Variants in SLC29A3 observed in about 807,000 individuals in gnomAD.
The protein encoded by SLC29A3 is solute carrier family 29 member 3.
A neutral mutation model predicts 25.4 loss-of-function variants in SLC29A3; 18 were observed. The observed-to-expected ratio is 0.71, with a 90% CI of 0.49 to 1.05. The LOEUF (loss-of-function observed/expected upper bound fraction) is 1.05. Ranked by LOEUF, SLC29A3 falls within the 50% of genes least tolerant of loss-of-function variation. SLC29A3 has a pLI of 0.00. For synonymous variants in SLC29A3, 258 were observed against 267.1 expected, an observed-to-expected ratio of 0.97 and a Z score of 0.33; for missense variants, 586 against 609.0, an observed-to-expected ratio of 0.96 and a Z score of 0.40.
At position 71,362,569 on chromosome 10, in the gene SLC29A3, G is replaced by A. The variant is rs751227835; in HGVS notation, c.1389G>A (p.Leu463=). The A allele has an allele frequency of 2.5e-6, 4 of 1,614,062 alleles. No individual in the cohort carries two copies. The African/African-American group carries it at 4.0e-5, about 16-fold the overall frequency. Residue 463 remains leucine (L), a synonymous_variant, in exon 6 of 6, where the codon CTG becomes CTA. Transcript: ENST00000373189. Reference sequence around the variant, plus strand: ...TTTATGTGTGCTTGGGCTTAACACTGGGCTCAGCCTGCTCTACCCTCCTGG... The same window carrying A: ...TTTATGTGTGCTTGGGCTTAACACTAGGCTCAGCCTGCTCTACCCTCCTGG... ...MSFYVCLGLT[L]GSACSTLLVH... is the part of the protein sequence containing the mutation.
chr10:71,320,075 G>A (rs887514073), intron 1 of SLC29A3, among the ~76,000 whole-genome samples: 1 of 152,208 alleles, frequency 6.6e-6, no homozygotes, highest in Non-Finnish European at 1.5e-5. Context: ...TCACTCCAGT[G>A]CCCTGGCCTG....
At chr10:71,327,488 G>T (rs756705535) in intron 2 of SLC29A3, among the ~76,000 whole-genome samples, 2 of 152,162 alleles carry the variant, frequency 1.3e-5, no homozygotes, top group African/African-American at 4.8e-5. Context: ...ATCCTGGCAG[G>T]GGTATTGCAT....
intron 3 of SLC29A3, among the ~76,000 whole-genome samples, chr10:71,374,750 G>C (rs1847237348): frequency 6.6e-6 from 1 of 152,010 alleles, no homozygotes; most frequent in South Asian, 2.1e-4. Flanking sequence ...AACCTCCTTG[G>C]CTTGCCGCTA....
At chr10:71,338,938 C>T (rs937487356) in intron 2 of SLC29A3, among the ~76,000 whole-genome samples, 7 of 152,240 alleles carry the variant, frequency 4.6e-5, no homozygotes, top group Middle Eastern at 3.4e-3. Context: ...GGTGATGCAC[C>T]GCGACCCCAG....
chr10:71,366,876 G>A (rs891221336), downstream of SLC29A3, among the ~76,000 whole-genome samples: 3 of 152,176 alleles, frequency 2.0e-5, no homozygotes, highest in African/African-American at 4.8e-5. Context: ...TTCTACCATC[G>A]TCACTTCCTT....
At chr10:71,369,551 A>G (rs1055632449) in intron 3 of SLC29A3, among the ~76,000 whole-genome samples, 2 of 152,258 alleles carry the variant, frequency 1.3e-5, no homozygotes, top group African/African-American at 2.4e-5. Context: ...TGAGAACACT[A>G]CAGGTGTAGC....
chr10:71,355,199 A>G (rs946746145), intron 4 of SLC29A3, among the ~76,000 whole-genome samples: 1 of 152,214 alleles, frequency 6.6e-6, no homozygotes, highest in Admixed American at 6.5e-5. Context: ...GTAAAGTCAG[A>G]GAAGCCACGT....
At chr10:71,370,150 A>G (rs1847200495) in intron 3 of SLC29A3, among the ~76,000 whole-genome samples, 2 of 152,228 alleles carry the variant, frequency 1.3e-5, no homozygotes, top group African/African-American at 4.8e-5. Flanking sequence ...AGGCAAGAGC[A>G]AGATTTACAG....
intron 3 of SLC29A3, among the ~76,000 whole-genome samples, chr10:71,345,461 AC>A (rs1486344882): frequency 2.0e-5 from 3 of 152,130 alleles, no homozygotes; most frequent in Non-Finnish European, 4.4e-5. Context: ...GGTTTTTACA[AC>A]CTGGTCTTGG....
At chr10:71,323,255 G>C (rs974564557) in intron 2 of SLC29A3, among the ~76,000 whole-genome samples, 25 of 152,258 alleles carry the variant, frequency 1.6e-4, no homozygotes, top group Non-Finnish European at 2.8e-4. Context: ...CCAGGGATGT[G>C]AAGGTATGGA....
At chr10:71,346,324 A>T (rs1846579540) in intron 3 of SLC29A3, among the ~76,000 whole-genome samples, 1 of 152,152 alleles carries the variant, frequency 6.6e-6, no homozygotes, top group Non-Finnish European at 1.5e-5. Context: ...GCAGCCTAAG[A>T]GCTGGAAACT....
chr10:71,322,063 A>C (rs550785996), intron 1 of SLC29A3, among the ~76,000 whole-genome samples: 70 of 152,262 alleles, frequency 4.6e-4, no homozygotes, highest in Non-Finnish European at 8.7e-4. Flanking sequence ...TTGTTTTTGA[A>C]CCGGTAATAA....
At chr10:71,353,031 A>G (rs150974627) in intron 4 of SLC29A3, among the ~76,000 whole-genome samples, 132 of 152,346 alleles carry the variant, frequency 8.7e-4, no homozygotes, top group African/African-American at 2.8e-3. Flanking sequence ...GGCCAGGATG[A>G]CAATACTTTG....
chr10:71,347,550 G>A (rs1309492006), intron 3 of SLC29A3, among the ~76,000 whole-genome samples: 5 of 152,240 alleles, frequency 3.3e-5, no homozygotes, highest in Non-Finnish European at 7.3e-5. Context: ...AGCAGAGAGG[G>A]AAGCCAGTGT....
At chr10:71,351,882 A>G in intron 4 of SLC29A3, 94 bp downstream of exon 4, 1 of 1,087,600 alleles carries the variant, frequency 9.2e-7, no homozygotes. Context: ...TTTTCTGAAA[A>G]GGAAATGGCA....
At chr10:71,337,802 G>A (rs1487882738) in intron 2 of SLC29A3, among the ~76,000 whole-genome samples, 2 of 152,186 alleles carry the variant, frequency 1.3e-5, no homozygotes, top group Non-Finnish European at 2.9e-5. Context: ...TTCCAGAAGA[G>A]ACCCTTAGCA....
At chr10:71,347,559 G>A (rs1208368715) in intron 3 of SLC29A3, among the ~76,000 whole-genome samples, 4 of 152,230 alleles carry the variant, frequency 2.6e-5, no homozygotes, top group Admixed American at 1.3e-4. Flanking sequence ...GGAAGCCAGT[G>A]TCCTCTGTTC....
chr10:71,380,993 G>A (rs1406440892), exon 5 of SLC29A3: 1 of 152,064 alleles, frequency 6.6e-6, no homozygotes, highest in Non-Finnish European at 1.5e-5. Context: ...TGATCAACTC[G>A]AGGTCAATCT....
intron 3 of SLC29A3, among the ~76,000 whole-genome samples, chr10:71,349,595 C>CATTAT (rs1846694683): frequency 1.3e-5 from 2 of 152,070 alleles, no homozygotes. Context: ...GGCAACCTGG[C>CATTAT]TGACCACCTC....
Sources: allele counts gnomAD v4.1 joint callset (sites outside exome capture counted in the v4.1 genomes callset), GRCh38; gene constraint gnomAD v4.1.1; transcripts MANE v1.5; gene names NCBI Gene and HGNC (gene_info 2026-07-23, HGNC 2026-07-21).